Variants in EYS observed in about 807,000 individuals in gnomAD.
EYS encodes protein eyes shut homolog.
In EYS, 250 loss-of-function variants were observed where a neutral mutation model predicts 282.1. That is an observed-to-expected ratio of 0.89 (90% CI 0.80 to 0.98). The LOEUF is 0.98. Among genes scored for constraint, EYS ranks in the 50% least tolerant of loss-of-function variants. The probability of loss-of-function intolerance (pLI) is 0.00; values close to 1 mark genes in which losing one functional copy is unlikely to be tolerated. For missense variants in EYS, 4,016 were observed against 3,709.0 expected, an observed-to-expected ratio of 1.08 and a Z score of -2.15; for synonymous variants, 1,355 against 1,282.9, an observed-to-expected ratio of 1.06 and a Z score of -1.20.
intron 15 of EYS, among the ~76,000 whole-genome samples, chr6:64,927,228 A>T (rs1455332102): frequency 1.3e-5 from 2 of 152,180 alleles, no homozygotes; most frequent in Non-Finnish European, 2.9e-5. Context: ...TGGATTCCTT[A>T]GTTTTATGTG....
At chr6:64,788,981 C>T (rs1251562362) in intron 22 of EYS, among the ~76,000 whole-genome samples, 1 of 152,134 alleles carries the variant, frequency 6.6e-6, no homozygotes, top group Non-Finnish European at 1.5e-5. Context: ...TTGCAATTTT[C>T]AACCTCTCAT....
At chr6:64,672,274 T>G (rs1302245882) in intron 22 of EYS, among the ~76,000 whole-genome samples, 2 of 152,212 alleles carry the variant, frequency 1.3e-5, no homozygotes, top group Non-Finnish European at 2.9e-5. Flanking sequence ...AGAACAGCAG[T>G]GTTGCAAGAC....
chr6:63,893,493 G>A (rs1050469789), intron 35 of EYS, among the ~76,000 whole-genome samples: 9 of 152,048 alleles, frequency 5.9e-5, no homozygotes, highest in Admixed American at 1.3e-4. Flanking sequence ...AACCAAACCC[G>A]CATGTTCTCA....
intron 12 of EYS, among the ~76,000 whole-genome samples, chr6:65,223,431 A>G (rs1225273589): frequency 6.6e-6 from 1 of 152,108 alleles, no homozygotes; most frequent in African/African-American, 2.4e-5. Flanking sequence ...AAGAGAACAT[A>G]TGACATTTTA....
At chr6:65,029,100 T>C (rs551476393) in intron 13 of EYS, among the ~76,000 whole-genome samples, 7 of 152,288 alleles carry the variant, frequency 4.6e-5, no homozygotes, top group East Asian at 1.9e-4. Context: ...TTTTGATTTA[T>C]TCTCCTTTTT....
chr6:64,852,891 A>G (rs549038867), intron 19 of EYS, among the ~76,000 whole-genome samples: 5 of 152,286 alleles, frequency 3.3e-5, no homozygotes, highest in African/African-American at 1.2e-4. Context: ...TGTACCTACC[A>G]GAACTGTAAG....
intron 14 of EYS, among the ~76,000 whole-genome samples, chr6:64,991,609 A>G (rs1039037200): frequency 7.2e-5 from 11 of 151,730 alleles, no homozygotes; most frequent in Admixed American, 5.3e-4. Flanking sequence ...ACATAGGGAG[A>G]CTAACACTTC....
intron 8 of EYS, among the ~76,000 whole-genome samples, chr6:65,362,410 C>T (rs916650356): frequency 3.3e-4 from 50 of 151,970 alleles, no homozygotes; most frequent in Admixed American, 9.9e-4. Flanking sequence ...CATTTAAACA[C>T]ACATAGATAT....
At chr6:65,474,791 C>A (rs543101170) in intron 5 of EYS, among the ~76,000 whole-genome samples, 11 of 152,000 alleles carry the variant, frequency 7.2e-5, no homozygotes, top group Non-Finnish European at 1.6e-4. Flanking sequence ...TAGTTTATCA[C>A]ACAGAAACAG....
intron 35 of EYS, among the ~76,000 whole-genome samples, chr6:63,923,823 G>C (rs1000398261): frequency 3.3e-5 from 5 of 152,136 alleles, no homozygotes; most frequent in African/African-American, 1.2e-4. Flanking sequence ...GTGAGAACAT[G>C]CGGTATTTGG....
intron 2 of EYS, among the ~76,000 whole-genome samples, chr6:65,572,876 C>A (rs1764528165): frequency 6.6e-6 from 1 of 152,078 alleles, no homozygotes; most frequent in East Asian, 1.9e-4. Context: ...TTTTAAAAAT[C>A]TATTTGCATG....
intron 5 of EYS, among the ~76,000 whole-genome samples, chr6:65,456,346 A>C (rs1325539465): frequency 6.6e-6 from 1 of 151,662 alleles, no homozygotes; most frequent in Non-Finnish European, 1.5e-5. Context: ...GCTACTCAGG[A>C]GGCTGAGGCG....
intron 2 of EYS, among the ~76,000 whole-genome samples, chr6:65,559,119 C>A (rs1279005110): frequency 1.3e-5 from 2 of 152,168 alleles, no homozygotes; most frequent in Non-Finnish European, 2.9e-5. Context: ...GTAATCCCAA[C>A]ACTTTGAGAG....
chr6:64,281,229 A>G, intron 30 of EYS, among the ~76,000 whole-genome samples: 1 of 152,122 alleles, frequency 6.6e-6, no homozygotes, highest in East Asian at 1.9e-4. Context: ...AATTCTATCT[A>G]TGACTTAATG....
intron 36 of EYS, among the ~76,000 whole-genome samples, chr6:63,852,587 A>T (rs1772287618): frequency 6.6e-6 from 1 of 152,218 alleles, no homozygotes. Flanking sequence ...TTCTGAAACT[A>T]TTCTAAACAA....
chr6:65,519,779 G>C (rs1387350387), intron 2 of EYS, among the ~76,000 whole-genome samples: 2 of 132,340 alleles, frequency 1.5e-5, no homozygotes, highest in East Asian at 4.6e-4. Context: ...GTAGTGGAGT[G>C]CTCACAGTTC....
chr6:64,918,161 T>C (rs1322399565), intron 15 of EYS, among the ~76,000 whole-genome samples: 2 of 152,170 alleles, frequency 1.3e-5, no homozygotes, highest in African/African-American at 4.8e-5. Context: ...TGGAAATAAA[T>C]GTGGAAAATC....
At chr6:65,073,943 G>A (rs1773972700) in intron 12 of EYS, among the ~76,000 whole-genome samples, 1 of 151,904 alleles carries the variant, frequency 6.6e-6, no homozygotes, top group African/African-American at 2.4e-5. Context: ...TGAAAATGAG[G>A]AGATTGGTTA....
At chr6:65,013,930 T>A (rs1252534186) in intron 13 of EYS, among the ~76,000 whole-genome samples, 1 of 152,192 alleles carries the variant, frequency 6.6e-6, no homozygotes, top group Non-Finnish European at 1.5e-5. Flanking sequence ...AATTGTTTAC[T>A]TTATATGGAA....
Sources: allele counts gnomAD v4.1 joint callset (sites outside exome capture counted in the v4.1 genomes callset), GRCh38; gene constraint gnomAD v4.1.1; transcripts MANE v1.5; gene names NCBI Gene and HGNC (gene_info 2026-07-23, HGNC 2026-07-21).